CNTNAP2: variants seen among roughly 807,000 people sequenced by gnomAD.
CNTNAP2 encodes the protein contactin-associated protein-like 2.
A neutral mutation model predicts 155.2 loss-of-function variants in CNTNAP2; 98 were observed. The ratio of observed to expected loss-of-function variants is 0.63; its 90% confidence interval spans 0.54 to 0.75. The LOEUF (loss-of-function observed/expected upper bound fraction) is 0.75, where lower values mean the gene tolerates loss of function less well. Among genes scored for constraint, CNTNAP2 ranks in the 30% least tolerant of loss-of-function variants. The pLI is 0.00. For synonymous variants in CNTNAP2, 651 were observed against 631.2 expected (o/e 1.03, Z -0.47); for missense variants, 1,727 against 1,688.1 (o/e 1.02, Z -0.40).
intron 2 of CNTNAP2, among the ~76,000 whole-genome samples, chr7:146,832,407 A>G (rs915951584): frequency 5.2e-4 from 78 of 150,930 alleles, no homozygotes; most frequent in African/African-American, 1.8e-3. Flanking sequence ...TTTATCCCCA[A>G]TATCTTTTAA....
At chr7:147,089,468 T>G (rs1452810971) in intron 4 of CNTNAP2, among the ~76,000 whole-genome samples, 2 of 152,206 alleles carry the variant, frequency 1.3e-5, no homozygotes, top group Non-Finnish European at 2.9e-5. Context: ...TTTTACACTT[T>G]TTCCTTTATT....
intron 13 of CNTNAP2, among the ~76,000 whole-genome samples, chr7:147,776,213 G>A (rs981951768): frequency 2.7e-5 from 4 of 149,412 alleles, no homozygotes; most frequent in Admixed American, 6.7e-5. Flanking sequence ...TGAATACAAA[G>A]AACTGGATTA....
At chr7:148,103,841 A>G (rs1804153135) in intron 15 of CNTNAP2, among the ~76,000 whole-genome samples, 1 of 152,118 alleles carries the variant, frequency 6.6e-6, no homozygotes, top group Non-Finnish European at 1.5e-5. Flanking sequence ...CTTCTTGAGG[A>G]TATATGAATT....
At chr7:148,182,582 G>C (rs1285390023) in intron 18 of CNTNAP2, among the ~76,000 whole-genome samples, 2 of 152,180 alleles carry the variant, frequency 1.3e-5, no homozygotes, top group African/African-American at 4.8e-5. Flanking sequence ...AGACTATAAT[G>C]CTATAGCCTA....
intron 1 of CNTNAP2, among the ~76,000 whole-genome samples, chr7:146,744,050 A>C (rs919872698): frequency 6.6e-6 from 1 of 151,878 alleles, no homozygotes; most frequent in African/African-American, 2.4e-5. Context: ...AACATGGTGA[A>C]ACTCTGTCGC....
At chr7:147,950,716 G>C (rs920705729) in intron 14 of CNTNAP2, among the ~76,000 whole-genome samples, 4 of 152,136 alleles carry the variant, frequency 2.6e-5, no homozygotes, top group African/African-American at 9.7e-5. Context: ...TTGAAGTAAA[G>C]GCTCTTGAAA....
At chr7:147,495,907 A>T (rs989580220) in intron 11 of CNTNAP2, among the ~76,000 whole-genome samples, 1 of 152,116 alleles carries the variant, frequency 6.6e-6, no homozygotes. Context: ...CATTGCTCAC[A>T]TTTCCACCTG....
At chr7:147,681,305 G>A (rs771147154) in intron 13 of CNTNAP2, among the ~76,000 whole-genome samples, 27 of 151,892 alleles carry the variant, frequency 1.8e-4, no homozygotes, top group Admixed American at 3.3e-4. Context: ...AAATGGTGCC[G>A]TCCTTTAGTA....
chr7:148,033,189 A>C lies in CNTNAP2; in HGVS notation c.2383+55200A>C, dbSNP rs1326224403. Among the ~76,000 whole-genome samples, 4 of 152,126 alleles carry C rather than the reference A, an allele frequency of 2.6e-5. No individual in the cohort carries two copies. The East Asian group carries it at 7.7e-4, about 29-fold the overall frequency. ...CCAGATTTCCTTCCTCTTCCATCTC[A>C]TTGCTGAATTTAAAAATACTTCTAA... On this transcript the variant is annotated intron_variant, in intron 15 of 23. Transcript: ENST00000361727.
At chr7:146,562,598 A>T (rs977536121) in intron 1 of CNTNAP2, among the ~76,000 whole-genome samples, 4 of 152,280 alleles carry the variant, frequency 2.6e-5, no homozygotes, top group Middle Eastern at 3.4e-3. Flanking sequence ...TTGTCTCAAC[A>T]CTTAATGGCA....
At chr7:147,003,341 C>G (rs923577647) in intron 3 of CNTNAP2, among the ~76,000 whole-genome samples, 1 of 151,564 alleles carries the variant, frequency 6.6e-6, no homozygotes, top group Admixed American at 6.6e-5. Flanking sequence ...ACCAACCCCC[C>G]CCAAAAAAGT....
chr7:147,135,806 A>G (rs1801466272), intron 8 of CNTNAP2, among the ~76,000 whole-genome samples: 1 of 150,398 alleles, frequency 6.6e-6, no homozygotes, highest in Non-Finnish European at 1.5e-5. Context: ...GCCATAACCC[A>G]CTATAATAAT....
chr7:148,237,795 G>A (rs76066014), intron 20 of CNTNAP2, among the ~76,000 whole-genome samples: 593 of 152,282 alleles, frequency 3.9e-3, no homozygotes, highest in South Asian at 6.2e-3. Context: ...GTTAATTGAC[G>A]TGAAACATTG....
chr7:146,150,519 C>G (rs1798021096), intron 1 of CNTNAP2, among the ~76,000 whole-genome samples: 1 of 151,936 alleles, frequency 6.6e-6, no homozygotes. Context: ...ATAAAGGTTA[C>G]AGATTTTTTA....
At chr7:147,093,772 A>G (rs1434987831) in intron 4 of CNTNAP2, among the ~76,000 whole-genome samples, 1 of 152,050 alleles carries the variant, frequency 6.6e-6, no homozygotes, top group Non-Finnish European at 1.5e-5. Flanking sequence ...TGTGGGTGAG[A>G]CTCAAGGTGT....
At chr7:148,137,694 AAGGAAG>A (rs1804986264) in intron 16 of CNTNAP2, among the ~76,000 whole-genome samples, 1 of 142,340 alleles carries the variant, frequency 7.0e-6, no homozygotes, top group African/African-American at 2.7e-5. Flanking sequence ...GGAAGGAAGG[AAGGAAG>A]GAAGGAAGGA....
intron 13 of CNTNAP2, among the ~76,000 whole-genome samples, chr7:147,855,602 C>T (rs756107441): frequency 1.3e-5 from 2 of 151,668 alleles, no homozygotes; most frequent in East Asian, 3.9e-4. Context: ...GTCTGGCCAA[C>T]ATGGTAAAAC....
At chr7:146,312,654 A>G (rs1800844597) in intron 1 of CNTNAP2, among the ~76,000 whole-genome samples, 1 of 152,194 alleles carries the variant, frequency 6.6e-6, no homozygotes, top group African/African-American at 2.4e-5. Flanking sequence ...AATGCATTAC[A>G]TCACTAAAGT....
chr7:146,898,883 TA>T (rs895321355), intron 3 of CNTNAP2, among the ~76,000 whole-genome samples: 43 of 149,382 alleles, frequency 2.9e-4, no homozygotes, highest in Non-Finnish European at 3.9e-4. Context: ...TTTTTCTCAT[TA>T]AAAAAAAAAT....
Sources: gnomAD v4.1 joint callset for allele counts (sites outside exome capture counted in the v4.1 genomes callset) on GRCh38, gnomAD v4.1.1 for gene constraint, MANE v1.5 for transcripts, NCBI Gene and HGNC (gene_info 2026-07-23, HGNC 2026-07-21) for gene names.